Variants in GTF2A1L observed in about 807,000 individuals in gnomAD.
GTF2A1L encodes general transcription factor IIA subunit 1 like, also known as TFIIA-alpha and beta-like factor.
In GTF2A1L, 48 loss-of-function variants were observed where a neutral mutation model predicts 49.7. The ratio of observed to expected loss-of-function variants is 0.97; its 90% confidence interval spans 0.77 to 1.23. The LOEUF is 1.23. GTF2A1L is among the 50% of genes most tolerant of loss of function. The pLI, the probability that GTF2A1L is intolerant of heterozygous loss-of-function variation, is 0.00. For synonymous variants in GTF2A1L, 246 were observed against 193.5 expected, an observed-to-expected ratio of 1.27 and a Z score of -2.25; for missense variants, 736 against 564.8, an observed-to-expected ratio of 1.30 and a Z score of -3.07.
At chr2:48,639,615 A>C (rs1677093704) in intron 3 of GTF2A1L, among the ~76,000 whole-genome samples, 2 of 152,344 alleles carry the variant, frequency 1.3e-5, no homozygotes, top group Admixed American at 6.5e-5. Context: ...CAACCTAGGC[A>C]ATACCATCTT....
intron 3 of GTF2A1L, among the ~76,000 whole-genome samples, chr2:48,622,965 A>C (rs941744909): frequency 3.3e-5 from 5 of 151,880 alleles, no homozygotes; most frequent in Admixed American, 6.6e-5. Context: ...TAGTGTATCA[A>C]GTTTGTTTTT....
intron 3 of GTF2A1L, among the ~76,000 whole-genome samples, chr2:48,634,989 T>G (rs958105446): frequency 6.6e-6 from 1 of 152,168 alleles, no homozygotes; most frequent in Non-Finnish European, 1.5e-5. Context: ...GAGGTATATC[T>G]AGGCATGGAA....
rs75526749 is a variant in GTF2A1L, at chr2:48,620,904, A to T, written c.75A>T (p.Leu25=). 951 of 1,606,638 alleles carry T rather than the reference A, an allele frequency of 5.9e-4. 11 individuals are homozygous for T. In the East Asian group the frequency reaches 0.02, roughly 34 times the overall value. Residue 25 remains leucine, a synonymous_variant, in exon 2 of 9, where the codon CTA becomes CTT. Transcript: ENST00000403751. Reference sequence around the variant, plus strand: ...ATGTAATTGAAGGAGTTCGGAATCTATTTGCTGAAGAAGGTATAGAGGAAC... The same window carrying T: ...ATGTAATTGAAGGAGTTCGGAATCTTTTTGCTGAAGAAGGTATAGAGGAAC... The part of the protein sequence containing the change: ...IEDVIEGVRN[L]FAEEGIEEQV...
chr2:48,664,752 C>A (rs1678718268), intron 6 of GTF2A1L, among the ~76,000 whole-genome samples: 1 of 151,866 alleles, frequency 6.6e-6, no homozygotes, highest in African/African-American at 2.4e-5. Context: ...TGGATTTATC[C>A]ATTTTACTTA....
At chr2:48,645,546 C>T (rs538386224) in intron 5 of GTF2A1L, among the ~76,000 whole-genome samples, 12 of 152,226 alleles carry the variant, frequency 7.9e-5, no homozygotes, top group South Asian at 4.1e-4. Context: ...GGAGGTTAAC[C>T]GGTTTCTGCT....
chr2:48,641,578 A>G lies in GTF2A1L; in HGVS notation c.248-824A>G, dbSNP rs780335840. On this transcript the variant is annotated intron_variant, in intron 3 of 8. Transcript: ENST00000403751. ...GAGGGAAAATGACATTCTAACAGCT[A>G]TATTTAGTCATGTTCAGGTAAAATG... Among the ~76,000 whole-genome samples, 69 of 152,314 alleles carry G rather than the reference A, an allele frequency of 4.5e-4. 1 individual carries two copies. The highest frequency in any genetic ancestry group is 6.5e-4 in the Admixed American group (10 of 15,294).
intron 6 of GTF2A1L, among the ~76,000 whole-genome samples, chr2:48,658,341 C>G (rs773683554): frequency 2.6e-4 from 39 of 152,152 alleles, no homozygotes; most frequent in Non-Finnish European, 4.7e-4. Flanking sequence ...TATCCCATCA[C>G]CATTTATTGA....
At chr2:48,659,912 G>C (rs78502151) in intron 6 of GTF2A1L, among the ~76,000 whole-genome samples, 1 of 151,938 alleles carries the variant, frequency 6.6e-6, no homozygotes. Flanking sequence ...ACATATAAAG[G>C]CATAACATCT....
chr2:48,633,062 T>A, intron 3 of GTF2A1L: 1 of 254,420 alleles, frequency 3.9e-6, no homozygotes. Context: ...TGTTGGCCTT[T>A]GATTGATTTT....
At chr2:48,644,955 A>T in intron 4 of GTF2A1L, 78 bp from the exon 5 acceptor site, 1 of 1,265,206 alleles carries the variant, frequency 7.9e-7, no homozygotes, top group Admixed American at 2.6e-5. Context: ...AGATTTTTTG[A>T]CTCCCTGTGA....
In GTF2A1L at chr2:48,669,898, A is replaced by C. The variant is rs780962728; in HGVS notation, c.1155A>C (p.Glu385Asp). Residue 385 changes from glutamate (E) to aspartate (D), a missense_variant, in exon 7 of 9, where the codon GAA becomes GAC. Transcript: ENST00000403751. ...NIDGGDLKVP[E>D]EEADSISNED... ...ACGGGGGAGATCTGAAGGTACCTGA[A>C]GAAGAAGCTGACAGTATTTCAAATG... The C allele has an allele frequency of 1.2e-6, 2 of 1,614,080 alleles. No individual in the cohort carries two copies. The highest frequency in any genetic ancestry group is 2.2e-5 in the South Asian group (2 of 91,074).
At chr2:48,632,184 T>A (rs1323383530) in intron 3 of GTF2A1L, 1 of 152,196 alleles carries the variant, frequency 6.6e-6, no homozygotes, top group Non-Finnish European at 1.5e-5. Flanking sequence ...GATTCTTTTT[T>A]ATATTCCAGT....
rs375431608 is a variant in GTF2A1L, at chr2:48,669,942, G to A, written c.1199G>A (p.Ser400Asn). Reference protein sequence around the residue: ...SISNEDSATNSSDNEDPQVNI... With the variant: ...SISNEDSATNNSDNEDPQVNI... ...TCAAATGAGGATTCAGCCACAAACAGTAGTGATAATGAAGACCCTCAAGTA... is the reference window on the plus strand; with the variant it reads ...TCAAATGAGGATTCAGCCACAAACAATAGTGATAATGAAGACCCTCAAGTA... Residue 400 changes from serine to asparagine, a missense_variant, in exon 7 of 9, where the codon AGT (serine) becomes AAT (asparagine). Coordinates refer to ENST00000403751, the MANE Select transcript of GTF2A1L (RefSeq NM_006872.5). 16 of 1,613,902 alleles carry A rather than the reference G, an allele frequency of 9.9e-6. No homozygotes were observed. The African/African-American group carries it at 1.9e-4, about 19-fold the overall frequency.
Position 48,669,848 on chromosome 2 carries a change from G to A in GTF2A1L, c.1105G>A (p.Glu369Lys). The change falls in exon 7 of 9, where the codon GAG becomes AAG. Residue 369 changes from glutamate to lysine, a missense_variant. Transcript: ENST00000403751. ...AATAGGAAGTACAAGAGATGCAGAT[G>A]AGAATGAATTTCTAGGGAATATTGA... Reference protein sequence around the residue: ...EEIGSTRDADENEFLGNIDGG... With the variant: ...EEIGSTRDADKNEFLGNIDGG... 1 of 1,614,038 alleles carries A rather than the reference G, an allele frequency of 6.2e-7. No homozygotes were observed. The highest frequency in any genetic ancestry group is 8.5e-7 in the Non-Finnish European group (1 of 1,179,992).
chr2:48,651,811 C>T (rs569279144), intron 6 of GTF2A1L, among the ~76,000 whole-genome samples: 6 of 152,130 alleles, frequency 3.9e-5, no homozygotes, highest in Non-Finnish European at 5.9e-5. Flanking sequence ...CTTGGGGAGA[C>T]ATTTACTATT....
chr2:48,631,470 A>G (rs150921111), intron 3 of GTF2A1L, among the ~76,000 whole-genome samples: 1 of 152,080 alleles, frequency 6.6e-6, no homozygotes, highest in African/African-American at 2.4e-5. Flanking sequence ...TTGTAATGTC[A>G]TCTTTGTCAT....
intron 6 of GTF2A1L, among the ~76,000 whole-genome samples, chr2:48,652,899 T>G (rs1677939174): frequency 6.6e-6 from 1 of 151,406 alleles, no homozygotes; most frequent in Non-Finnish European, 1.5e-5. Context: ...TTTCACCGTG[T>G]TGGCCAGGCT....
intron 3 of GTF2A1L, among the ~76,000 whole-genome samples, chr2:48,637,532 C>T (rs898192439): frequency 6.6e-6 from 1 of 152,006 alleles, no homozygotes; most frequent in East Asian, 1.9e-4. Context: ...AGAGAGATCT[C>T]AAATTAAGAA....
intron 6 of GTF2A1L, among the ~76,000 whole-genome samples, chr2:48,653,870 G>A (rs545089234): frequency 1.7e-4 from 24 of 140,796 alleles, no homozygotes; most frequent in Non-Finnish European, 4.5e-5. Context: ...CCAGTGAGCT[G>A]AGATCATGCC....
Sources: allele counts gnomAD v4.1 joint callset (sites outside exome capture counted in the v4.1 genomes callset), GRCh38; gene constraint gnomAD v4.1.1; transcripts MANE v1.5; gene names NCBI Gene and HGNC (gene_info 2026-07-23, HGNC 2026-07-21).